The following DLG2 variants were observed in gnomAD, a reference collection of about 807,000 sequenced individuals.
DLG2 encodes the protein discs large MAGUK scaffold protein 2, also known as disks large homolog 2.
In DLG2, 45 loss-of-function variants were observed where a neutral mutation model predicts 132.5. The observed-to-expected ratio is 0.34, with a 90% CI of 0.27 to 0.44. The LOEUF is 0.44. Among genes scored for constraint, DLG2 ranks in the 20% least tolerant of loss-of-function variants. The pLI is 1.00. For missense variants in DLG2, 1,045 were observed against 1,196.9 expected (o/e 0.87, Z 1.87); for synonymous variants, 424 against 419.6 (o/e 1.01, Z -0.13).
intron 6 of DLG2, among the ~76,000 whole-genome samples, chr11:84,709,072 G>C (rs1208023452): frequency 6.6e-6 from 1 of 151,874 alleles, no homozygotes; most frequent in Non-Finnish European, 1.5e-5. Flanking sequence ...TGCTGTGAGG[G>C]AAGGGAGCAT....
Position 84,163,523 on chromosome 11 carries a change from GAA to G in DLG2, c.574-14_574-13del, listed in dbSNP as rs771691123. The G allele has an allele frequency of 6.3e-7, 1 of 1,589,992 alleles. No homozygotes were observed. The stretch of plus-strand genomic sequence containing the variant: ...TCTGTCCCATTGACCTGTAAATAGG[GAA>G]AAAATAAGAAGAGAACTATTAAATA... On this transcript the variant is annotated splice_polypyrimidine_tract_variant and intron_variant, in intron 8 of 27. Coordinates refer to ENST00000376104, the MANE Select transcript of DLG2 (RefSeq NM_001142699.3).
In DLG2 at chr11:84,697,698, C is replaced by G. The variant is rs2153734815; in HGVS notation, c.358-162967G>C. On this transcript the variant is annotated intron_variant, in intron 6 of 27. Coordinates refer to ENST00000376104, the MANE Select transcript of DLG2 (RefSeq NM_001142699.3). The stretch of plus-strand genomic sequence containing the variant: ...ACAGTTAAAGAACGAAAGCTTTGAG[C>G]CTTTATTTTTCCAAAATCATTTCTG... Among the ~76,000 whole-genome samples, 2 of 151,462 alleles carry G rather than the reference C, an allele frequency of 1.3e-5. 1 individual carries two copies. Among genetic ancestry groups the G allele is most frequent in the Middle Eastern group, 6.8e-3 (2 of 294 alleles).
At chr11:84,939,361 G>T (rs1422064223) in intron 6 of DLG2, among the ~76,000 whole-genome samples, 2 of 151,930 alleles carry the variant, frequency 1.3e-5, no homozygotes, top group Non-Finnish European at 2.9e-5. Context: ...AGTAAATAGG[G>T]TATCTATCAC....
At position 84,627,166 on chromosome 11, in the gene DLG2, G is replaced by A. The variant is rs1186643020; in HGVS notation, c.358-92435C>T. 5.9e-5 allele frequency among the ~76,000 whole-genome samples: 9 copies of A among 151,996 alleles called. No individual in the cohort carries two copies. In the South Asian group the frequency reaches 8.3e-4, roughly 14 times the overall value. On this transcript the variant is annotated intron_variant, in intron 6 of 27. Coordinates refer to ENST00000376104, the MANE Select transcript of DLG2 (RefSeq NM_001142699.3). ...GATTACAGCATAAGCCACCACTCCCGGCCCAATTACACATTCAAAATATCC... is the reference window on the plus strand; with the variant it reads ...GATTACAGCATAAGCCACCACTCCCAGCCCAATTACACATTCAAAATATCC...
chr11:84,327,228 C>T (rs2098437111), intron 7 of DLG2, among the ~76,000 whole-genome samples: 1 of 149,150 alleles, frequency 6.7e-6, no homozygotes, highest in Non-Finnish European at 1.5e-5. Context: ...GGATTACAGG[C>T]ACACACCACC....
intron 4 of DLG2, among the ~76,000 whole-genome samples, chr11:85,223,968 A>C (rs940576906): frequency 2.6e-5 from 4 of 152,126 alleles, no homozygotes; most frequent in African/African-American, 9.7e-5. Context: ...GGTTCAAAAC[A>C]CATTTCTACT....
intron 4 of DLG2, among the ~76,000 whole-genome samples, chr11:85,201,381 G>A (rs1434725232): frequency 6.6e-6 from 1 of 152,058 alleles, no homozygotes; most frequent in Non-Finnish European, 1.5e-5. Context: ...TGCCTGTGCT[G>A]GAGCCTACAT....
chr11:84,195,147 T>C (rs1189792757), intron 8 of DLG2, among the ~76,000 whole-genome samples: 1 of 152,116 alleles, frequency 6.6e-6, no homozygotes, highest in Non-Finnish European at 1.5e-5. Context: ...TCACTTTCCC[T>C]CTACTCTTCA....
chr11:85,274,378 AAG>A lies in DLG2; in HGVS notation c.186+10840_186+10841del, dbSNP rs1466767911. 2.0e-5 allele frequency among the ~76,000 whole-genome samples: 3 copies of A among 152,192 alleles called. No homozygotes were observed. In the East Asian group the frequency reaches 5.8e-4, roughly 29 times the overall value. ...CTAGTCTCAACAACAATAACAAAAA[AAG>A]AGTCTCCTTTACTTACAGTCAACTG... On this transcript the variant is annotated intron_variant, in intron 4 of 27. Transcript: ENST00000376104.
At chr11:83,748,440 T>C (rs562370830) in intron 18 of DLG2, among the ~76,000 whole-genome samples, 97 of 152,318 alleles carry the variant, frequency 6.4e-4, no homozygotes, top group African/African-American at 2.2e-3. Context: ...CCACTCTTAC[T>C]CTAATAAGCC....
intron 6 of DLG2, among the ~76,000 whole-genome samples, chr11:84,839,062 T>A (rs1160576578): frequency 2.0e-5 from 3 of 152,138 alleles, no homozygotes; most frequent in Non-Finnish European, 4.4e-5. Context: ...TGTCCCTGTT[T>A]GCAGATGACA....
chr11:83,877,635 A>T (rs971605935), intron 15 of DLG2, among the ~76,000 whole-genome samples: 1 of 152,196 alleles, frequency 6.6e-6, no homozygotes, highest in African/African-American at 2.4e-5. Context: ...TTTATATTAC[A>T]CATGCAAGGT....
chr11:84,914,081 TA>T (rs1463932002), intron 6 of DLG2, among the ~76,000 whole-genome samples: 7 of 152,218 alleles, frequency 4.6e-5, no homozygotes, highest in Non-Finnish European at 8.8e-5. Flanking sequence ...TGTACCTTTT[TA>T]AAGTTGTAAA....
chr11:85,401,018 C>A (rs1171750065), intron 3 of DLG2, among the ~76,000 whole-genome samples: 2 of 150,222 alleles, frequency 1.3e-5, no homozygotes, highest in African/African-American at 4.9e-5. Flanking sequence ...CAAAGCCTGG[C>A]AGAGACATAA....
chr11:85,421,407 T>C (rs913283523), intron 3 of DLG2, among the ~76,000 whole-genome samples: 6 of 151,414 alleles, frequency 4.0e-5, no homozygotes, highest in Non-Finnish European at 7.4e-5. Flanking sequence ...TTACCAGCCA[T>C]CCATCCCTCC....
intron 3 of DLG2, among the ~76,000 whole-genome samples, chr11:85,428,327 C>G (rs139276738): frequency 0.014 from 2,172 of 152,292 alleles, 52 homozygotes; most frequent in African/African-American, 0.05. Flanking sequence ...AATATACATT[C>G]TTCTCAGCAC....
At chr11:83,717,301 C>A (rs2086946005) in intron 18 of DLG2, among the ~76,000 whole-genome samples, 1 of 152,162 alleles carries the variant, frequency 6.6e-6, no homozygotes, top group Non-Finnish European at 1.5e-5. Flanking sequence ...ATCTAGATGA[C>A]TTAAATGTTT....
chr11:84,038,231 T>G (rs964674170), intron 11 of DLG2, among the ~76,000 whole-genome samples: 10 of 151,758 alleles, frequency 6.6e-5, no homozygotes, highest in African/African-American at 2.4e-4. Context: ...TGAGAGAAAA[T>G]TCTCTCAAAA....
chr11:85,609,216 C>A (rs1353071612), intron 2 of DLG2, among the ~76,000 whole-genome samples: 1 of 152,176 alleles, frequency 6.6e-6, no homozygotes, highest in Non-Finnish European at 1.5e-5. Flanking sequence ...AATATACTCC[C>A]CTGTCACCCA....
Sources: gnomAD v4.1 joint callset for allele counts (sites outside exome capture counted in the v4.1 genomes callset) on GRCh38, gnomAD v4.1.1 for gene constraint, MANE v1.5 for transcripts, NCBI Gene and HGNC (gene_info 2026-07-23, HGNC 2026-07-21) for gene names.